The following PPIE variants were observed in gnomAD, a reference collection of about 807,000 sequenced individuals.
PPIE encodes the protein peptidylprolyl isomerase E, also known as peptidyl-prolyl cis-trans isomerase E.
In PPIE, 20 loss-of-function variants were observed where a neutral mutation model predicts 38.4. The observed-to-expected ratio is 0.52, with a 90% CI of 0.37 to 0.76. PPIE has a LOEUF of 0.76. PPIE is among the 30% of genes least tolerant of loss of function. The pLI is 0.00. For missense variants in PPIE, 322 were observed against 385.8 expected, an observed-to-expected ratio of 0.83 and a Z score of 1.39; for synonymous variants, 142 against 135.7, an observed-to-expected ratio of 1.05 and a Z score of -0.32.
At chr1:39,742,607 AC>A (rs1647090851) in intron 4 of PPIE, 2 of 149,604 alleles carry the variant, frequency 1.3e-5, no homozygotes, top group South Asian at 2.1e-4. Context: ...GCTACCTGTT[AC>A]ATTTCTTTCT....
intron 7 of PPIE, 67 bp downstream of exon 7, chr1:39,745,565 C>T: frequency 6.2e-7 from 1 of 1,607,088 alleles, no homozygotes; most frequent in South Asian, 1.1e-5. Context: ...TTCCCAGGTT[C>T]TTACTGCTTC....
intron 4 of PPIE, 156 bp downstream of exon 4, chr1:39,742,077 T>C (rs1396015683): frequency 5.6e-6 from 4 of 717,818 alleles, no homozygotes; most frequent in Non-Finnish European, 7.0e-6. Flanking sequence ...TGATCACTTA[T>C]AAAATTAGTT....
In PPIE at chr1:39,751,773, C is replaced by T. The variant is rs1343596248; in HGVS notation, c.695-1137C>T. On this transcript the variant is annotated intron_variant, in intron 8 of 9. Transcript: ENST00000324379. Reference sequence around the variant, plus strand: ...CTGCTAAATGCCAGTAGCACCCCCACAATATTTCAGACAGTCAAAAACACT... The same window carrying T: ...CTGCTAAATGCCAGTAGCACCCCCATAATATTTCAGACAGTCAAAAACACT... 2.0e-5 allele frequency among the ~76,000 whole-genome samples: 3 copies of T among 152,128 alleles called. No individual in the cohort carries two copies. The East Asian group carries it at 5.8e-4, about 29-fold the overall frequency.
chr1:39,753,199 A>G (rs1289011829), intron 9 of PPIE, 88 bp from the exon 10 acceptor site: 18 of 1,593,058 alleles, frequency 1.1e-5, no homozygotes, highest in African/African-American at 4.0e-5. Context: ...TCCGGGGTGG[A>G]AGTGGGCAAA....
downstream of PPIE, among the ~76,000 whole-genome samples, chr1:39,761,034 T>C (rs1648890851): frequency 6.6e-6 from 1 of 151,708 alleles, no homozygotes; most frequent in Non-Finnish European, 1.5e-5. Context: ...CCTCCGCCCC[T>C]CTCCTGTGCT....
chr1:39,753,068 T>C lies in PPIE; in HGVS notation c.837+16T>C, dbSNP rs180953112. ...GCAAATTGAGGTATGTGGCCAGGAA[T>C]GGGCCTCCTCCTTACCCAGGCCCTA... On this transcript the variant is annotated intron_variant, in intron 9 of 9. Transcript: ENST00000324379. 2.8e-4 allele frequency: 459 copies of C among 1,614,006 alleles called. No homozygotes were observed. The highest frequency in any genetic ancestry group is 3.7e-4 in the South Asian group (34 of 91,076).
intron 2 of PPIE, 93 bp downstream of exon 2, chr1:39,740,356 A>C (rs562005203): frequency 1.8e-5 from 18 of 994,692 alleles, no homozygotes; most frequent in African/African-American, 1.5e-4. Context: ...TGCATTCTAA[A>C]TATGGTTAGT....
rs185849180 is a variant in PPIE, at chr1:39,754,233, T to C, written c.*878T>C. The C allele has an allele frequency of 1.5e-5, 4 of 264,686 alleles. No homozygotes were observed. In the East Asian group the frequency reaches 7.1e-4, roughly 47 times the overall value. 16.4% of individuals were successfully genotyped at this position (264,686 alleles called of 1,614,324 possible). A position where few individuals can be genotyped will look rare whatever the true frequency, so the allele number is the denominator to read the frequency against. On this transcript the variant is annotated 3_prime_UTR_variant, in exon 10 of 10. Coordinates refer to ENST00000324379, the MANE Select transcript of PPIE (RefSeq NM_006112.4). ...AGTGGCAGAGGTGCGTAAGGGGCTA[T>C]AGACACAATACAGGCTATGGTCCCT...
chr1:39,743,093 C>A, intron 4 of PPIE, 123 bp from the exon 5 acceptor site: 1 of 803,594 alleles, frequency 1.2e-6, no homozygotes, highest in Non-Finnish European at 2.0e-6. Context: ...GCATAGCTTA[C>A]TGGTAGAGGC....
intron 4 of PPIE, 131 bp from the exon 5 acceptor site, chr1:39,743,085 A>G: frequency 1.3e-6 from 1 of 740,838 alleles, no homozygotes; most frequent in Non-Finnish European, 2.3e-6. Flanking sequence ...GGGTGGCTGC[A>G]TAGCTTACTG....
chr1:39,739,115 C>A, intron 1 of PPIE, 184 bp downstream of exon 1: 1 of 557,658 alleles, frequency 1.8e-6, no homozygotes, highest in South Asian at 6.0e-5. Flanking sequence ...CCACTGTCCT[C>A]AGGAAAAAGT....
intron 3 of PPIE, chr1:39,741,657 T>C: frequency 1.6e-6 from 1 of 623,032 alleles, no homozygotes; most frequent in South Asian, 2.0e-5. Context: ...CCCCTGTTCA[T>C]TGAGCATTCT....
downstream of PPIE, chr1:39,758,611 A>G (rs1365821481): frequency 2.6e-5 from 4 of 152,244 alleles, no homozygotes; most frequent in Admixed American, 6.5e-5. Context: ...CTGGCTCACT[A>G]TGAGGAGTTG....
At position 39,755,574 on chromosome 1, in the gene PPIE, A is replaced by G; in HGVS notation, c.*2219A>G. ...TAGGCAGGCATCTATGAAGCTGGGG[A>G]TGATAGCACTGACTTCAGTGCTTGG... On this transcript the variant is annotated 3_prime_UTR_variant, in exon 10 of 10. Transcript: ENST00000324379. 1 of 985,388 alleles carries G rather than the reference A, an allele frequency of 1.0e-6. No individual in the cohort carries two copies. Among genetic ancestry groups the G allele is most frequent in the Non-Finnish European group, 1.2e-6 (1 of 829,904 alleles). 61.0% of individuals were successfully genotyped at this position (985,388 alleles called of 1,614,324 possible). A position where few individuals can be genotyped will look rare whatever the true frequency, so the allele number is the denominator to read the frequency against.
chr1:39,739,499 C>T (rs1647005331), intron 1 of PPIE, among the ~76,000 whole-genome samples: 1 of 152,150 alleles, frequency 6.6e-6, no homozygotes, highest in African/African-American at 2.4e-5. Context: ...AGTGGAATTA[C>T]CTCAGTAGCA....
chr1:39,762,676 C>T, intron 9 of PPIE: 2 of 1,513,260 alleles, frequency 1.3e-6, no homozygotes, highest in South Asian at 2.6e-5. Flanking sequence ...ACGCACACCC[C>T]ACACACTGTG....
At chr1:39,748,827 T>C in intron 7 of PPIE, 76 bp from the exon 8 acceptor site, 1 of 1,419,500 alleles carries the variant, frequency 7.0e-7, no homozygotes, top group Non-Finnish European at 9.6e-7. Context: ...ATATGAACAC[T>C]AAACCAAAGT....
intron 8 of PPIE, among the ~76,000 whole-genome samples, chr1:39,750,495 T>C (rs530305764): frequency 1.3e-5 from 2 of 152,378 alleles, no homozygotes; most frequent in South Asian, 4.1e-4. Context: ...TACTTACCAG[T>C]TGAGCATCCC....
intron 1 of PPIE, among the ~76,000 whole-genome samples, chr1:39,739,462 AG>A (rs1647004700): frequency 6.6e-6 from 1 of 151,750 alleles, no homozygotes; most frequent in African/African-American, 2.4e-5. Context: ...CCATAAAGGA[AG>A]GAGTTCCCAG....
Sources: gnomAD v4.1 joint callset for allele counts (sites outside exome capture counted in the v4.1 genomes callset) on GRCh38, gnomAD v4.1.1 for gene constraint, MANE v1.5 for transcripts, NCBI Gene and HGNC (gene_info 2026-07-23, HGNC 2026-07-21) for gene names.